SPTAN1: variants seen among roughly 807,000 people sequenced by gnomAD.
The protein encoded by SPTAN1 is spectrin alpha, non-erythrocytic 1.
A neutral mutation model predicts 331.3 loss-of-function variants in SPTAN1; 61 were observed. The ratio of observed to expected loss-of-function variants is 0.18; its 90% CI spans 0.15 to 0.23. The LOEUF is 0.23. Ranked by LOEUF, SPTAN1 falls within the 10% of genes least tolerant of loss-of-function variation. The pLI, the probability that SPTAN1 is intolerant of heterozygous loss-of-function variation, is 1.00. For missense variants in SPTAN1, 2,043 were observed against 3,147.9 expected (o/e 0.65, Z 8.40); for synonymous variants, 1,153 against 1,173.9 (o/e 0.98, Z 0.36).
chr9:128,617,041 C>A (rs1225885362), intron 41 of SPTAN1, among the ~76,000 whole-genome samples: 1 of 152,104 alleles, frequency 6.6e-6, no homozygotes, highest in African/African-American at 2.4e-5. Flanking sequence ...AGTTTGAGAC[C>A]AGCCTGGGCA....
intron 1 of SPTAN1, among the ~76,000 whole-genome samples, chr9:128,560,160 T>G (rs1413281329): frequency 6.7e-6 from 1 of 148,864 alleles, no homozygotes; most frequent in Non-Finnish European, 1.5e-5. Context: ...CTTGGCTCAC[T>G]GCAACCTCAG....
rs1853044906 is a variant in SPTAN1 at position 128,588,866 on chromosome 9, G to A, written c.2929G>A (p.Asp977Asn). 2 of 1,614,110 alleles carry A rather than the reference G, an allele frequency of 1.2e-6. No homozygotes were observed. The highest frequency in any genetic ancestry group is 1.7e-6 in the Non-Finnish European group (2 of 1,180,008). Residue 977 changes from aspartate (D) to asparagine (N), a missense_variant, in exon 21 of 57, where the codon GAC becomes AAC. Around this residue, in one of 12 missense-constraint regions of SPTAN1, gnomAD observed 1,038 missense variants for 1,531.5 expected, o/e 0.68. Coordinates refer to ENST00000372739, the MANE Select transcript of SPTAN1 (RefSeq NM_001130438.3). Reference sequence around the variant, plus strand: ...GAAGGAGCTGGTCTTGGCTCTCTACGACTATCAGGAGAAGAGTCCCCGAGA... The same window carrying A: ...GAAGGAGCTGGTCTTGGCTCTCTACAACTATCAGGAGAAGAGTCCCCGAGA... ...TGKELVLALY[D>N]YQEKSPREVT...
chr9:128,564,755 T>C (rs905951896), intron 1 of SPTAN1, among the ~76,000 whole-genome samples: 4 of 152,134 alleles, frequency 2.6e-5, no homozygotes, highest in Admixed American at 2.0e-4. Flanking sequence ...GATCCTGCAG[T>C]TTACCCATTT....
chr9:128,575,801 T>A (rs1031118623), intron 5 of SPTAN1, among the ~76,000 whole-genome samples: 1 of 152,142 alleles, frequency 6.6e-6, no homozygotes. Flanking sequence ...ACTCTGGCGC[T>A]GGAGCCCATT....
rs1890103 is a variant in SPTAN1 at position 128,578,360 on chromosome 9, T to C, written c.1221+115T>C. 1,368,035 of 1,376,006 alleles carry C rather than the reference T, an allele frequency of 0.99. 680,405 individuals carry two copies. The highest frequency in any genetic ancestry group is 1 in the East Asian group (42,666 of 42,666). The allele number at this position is 1,376,006 out of a possible 1,614,324, so 85.2% of individuals were successfully genotyped here. A position where few individuals can be genotyped will look rare whatever the true frequency, so the allele number is the denominator to read the frequency against. On this transcript the variant is annotated intron_variant, in intron 9 of 56. Coordinates refer to ENST00000372739, the MANE Select transcript of SPTAN1 (RefSeq NM_001130438.3). ...TTGGTACCATGTTATTCACAGGTGT[T>C]TCTCATCATGAGGATTATGGTTGGT...
chr9:128,578,253 T>C lies in SPTAN1; in HGVS notation c.1221+8T>C, dbSNP rs777957971. 5.3e-5 allele frequency: 86 copies of C among 1,613,970 alleles called. No individual in the cohort carries two copies. The highest frequency in any genetic ancestry group is 8.9e-5 in the East Asian group (4 of 44,874). On this transcript the variant is annotated splice_region_variant and intron_variant, in intron 9 of 56. Transcript: ENST00000372739. The stretch of plus-strand genomic sequence containing the variant: ...AGACACCAAGAGCACAAGGTAATGG[T>C]ATCTCTAGAATCTTCCAGAAGTGAA...
In SPTAN1 at chr9:128,592,987, C is replaced by T. The variant is rs200872929; in HGVS notation, c.3160C>T (p.Arg1054Cys). 8 of 1,607,628 alleles carry T rather than the reference C, an allele frequency of 5.0e-6. No individual in the cohort carries two copies. In the Admixed American group the frequency reaches 5.1e-5, roughly 10 times the overall value. Residue 1054 changes from arginine (R) to cysteine (C), a missense_variant, in exon 23 of 57, where the codon CGC (arginine) becomes TGC (cysteine). Around this residue, in one of 12 missense-constraint regions of SPTAN1, gnomAD observed 1,038 missense variants for 1,531.5 expected, o/e 0.68. Coordinates refer to ENST00000372739, the MANE Select transcript of SPTAN1 (RefSeq NM_001130438.3). Reference protein sequence around the residue: ...LRQEQIDNQTRITKEAGSVSL... With the variant: ...LRQEQIDNQTCITKEAGSVSL... ...TGCTGTGCCCCCTCTGTGCAGGACA[C>T]GCATAACTAAGGAGGCCGGCAGTGT...
rs199926005 is a variant in SPTAN1 at position 128,626,375 on chromosome 9, T to C, written c.6280-16T>C. ...AGCCCTGGCGACTCCGCCAACTCAG[T>C]CTCTTCTGCTTCCAGGTGGAGGACC... On this transcript the variant is annotated splice_polypyrimidine_tract_variant and intron_variant, in intron 48 of 56. Coordinates refer to ENST00000372739, the MANE Select transcript of SPTAN1 (RefSeq NM_001130438.3). 5 of 1,612,910 alleles carry C rather than the reference T, an allele frequency of 3.1e-6. No homozygotes were observed. The highest frequency in any genetic ancestry group is 4.2e-6 in the Non-Finnish European group (5 of 1,180,028).
At position 128,625,228 on chromosome 9, in the gene SPTAN1, TGA is replaced by T; in HGVS notation, c.6069+52_6069+53del. ...TTGAAATGTATGCAGATAGCATCTG[TGA>T]GATGACTGGTGGCGTCTTTCACTGA... is the stretch of plus-strand genomic sequence containing the variant. On this transcript the variant is annotated intron_variant, in intron 47 of 56. Coordinates refer to ENST00000372739, the MANE Select transcript of SPTAN1 (RefSeq NM_001130438.3). The surrounding 1 kb of genome is among the most constrained non-coding windows in gnomAD (Gnocchi z 4.1). The T allele has an allele frequency of 6.4e-7, 1 of 1,573,104 alleles. No individual in the cohort carries two copies. The highest frequency in any genetic ancestry group is 1.7e-5 in the Admixed American group (1 of 59,780).
At chr9:128,621,087 T>C in intron 44 of SPTAN1, 71 bp from the exon 45 acceptor site, 1 of 1,377,982 alleles carries the variant, frequency 7.3e-7, no homozygotes, top group Non-Finnish European at 1.0e-6. Context: ...TTTGTCACTC[T>C]CTGTCCCCGG....
intron 21 of SPTAN1, 82 bp downstream of exon 21, chr9:128,589,025 T>A: frequency 6.4e-7 from 1 of 1,569,708 alleles, no homozygotes; most frequent in Non-Finnish European, 8.6e-7. Context: ...GGGTTGCATG[T>A]CTCCCTGAAA....
intron 10 of SPTAN1, among the ~76,000 whole-genome samples, chr9:128,580,642 G>A (rs1040646276): frequency 2.0e-5 from 3 of 151,918 alleles, no homozygotes; most frequent in African/African-American, 4.8e-5. Flanking sequence ...ACTTTTAAAT[G>A]GATGCCCTAT....
intron 12 of SPTAN1, 62 bp downstream of exon 12, chr9:128,581,954 C>T: frequency 8.1e-7 from 1 of 1,239,266 alleles, no homozygotes; most frequent in Admixed American, 1.7e-5. Context: ...GTCTTTTTCC[C>T]TGGAAGGATT....
chr9:128,598,871 T>C (rs1392416912), intron 25 of SPTAN1, 92 bp from the exon 26 acceptor site: 2 of 1,150,910 alleles, frequency 1.7e-6, no homozygotes, highest in African/African-American at 1.5e-5. Flanking sequence ...TTTGGAATTA[T>C]CTCCTGTGTT....
At position 128,596,831 on chromosome 9, in the gene SPTAN1, T is replaced by C. The variant is rs561439486; in HGVS notation, c.3415-1569T>C. Among the ~76,000 whole-genome samples, 5 of 152,208 alleles carry C rather than the reference T, an allele frequency of 3.3e-5. No homozygotes were observed. The East Asian group carries it at 9.7e-4, about 30-fold the overall frequency. On this transcript the variant is annotated intron_variant, in intron 24 of 56. Coordinates refer to ENST00000372739, the MANE Select transcript of SPTAN1 (RefSeq NM_001130438.3). ...TCAGCCACCCGAGTGGCTGGGACTA[T>C]GCACATAGGCTACCACATCCATTAT...
chr9:128,610,533 T>C (rs1856445105), intron 37 of SPTAN1, among the ~76,000 whole-genome samples: 1 of 152,074 alleles, frequency 6.6e-6, no homozygotes, highest in African/African-American at 2.4e-5. Context: ...TGATGCAGAA[T>C]TCCCCAACAC....
intron 27 of SPTAN1, among the ~76,000 whole-genome samples, chr9:128,603,325 AAATT>A (rs1397662604): frequency 5.9e-5 from 9 of 152,174 alleles, no homozygotes; most frequent in African/African-American, 2.2e-4. Flanking sequence ...TCATCAGATA[AAATT>A]AATTACTCAG....
At position 128,585,914 on chromosome 9, in the gene SPTAN1, G is replaced by A; in HGVS notation, c.2727G>A (p.Lys909=). ...ANEAESWMRE[K]EPIVGSTDYG... ...AGGCTGAATCCTGGATGCGGGAGAA[G>A]GAACCCATTGTGGGCAGCACTGACT... The change falls in exon 19 of 57, where the codon AAG becomes AAA. Residue 909 remains lysine, a synonymous_variant. Transcript: ENST00000372739. 6.2e-7 allele frequency: 1 copy of A among 1,613,536 alleles called. No homozygotes were observed. The highest frequency in any genetic ancestry group is 8.5e-7 in the Non-Finnish European group (1 of 1,180,032).
Position 128,617,672 on chromosome 9 carries a change from A to G in SPTAN1, c.5390A>G (p.Tyr1797Cys). 1 of 1,614,140 alleles carries G rather than the reference A, an allele frequency of 6.2e-7. No individual in the cohort carries two copies. Among genetic ancestry groups the G allele is most frequent in the Non-Finnish European group, 8.5e-7 (1 of 1,180,000 alleles). The change falls in exon 42 of 57, where the codon TAC (tyrosine) becomes TGC (cysteine). Residue 1797 changes from tyrosine (Y) to cysteine (C), a missense_variant. Coordinates refer to ENST00000372739, the MANE Select transcript of SPTAN1 (RefSeq NM_001130438.3). ...EKKLLVGSED[Y>C]GRDLTGVQNL... ...AAGCTGCTGGTGGGCTCAGAGGACT[A>G]CGGCCGGGACCTAACCGGCGTGCAG... is the stretch of plus-strand genomic sequence containing the variant.
Sources: gnomAD v4.1 joint callset for allele counts (sites outside exome capture counted in the v4.1 genomes callset) on GRCh38, gnomAD v4.1.1 for gene constraint, gnomAD v4.1.1 regional missense constraint, Gnocchi (gnomAD v3.1) non-coding constraint, MANE v1.5 for transcripts, NCBI Gene and HGNC (gene_info 2026-07-23, HGNC 2026-07-21) for gene names.